The following KSR2 variants were observed in gnomAD, a reference collection of about 807,000 sequenced individuals.
KSR2 encodes kinase suppressor of ras 2.
KSR2 carries 25 observed loss-of-function variants against 107.8 expected under a neutral mutation model. That is an observed-to-expected ratio of 0.23 (90% CI 0.17 to 0.32). The LOEUF (loss-of-function observed/expected upper bound fraction) is 0.32. Ranked by LOEUF, KSR2 falls within the 10% of genes least tolerant of loss-of-function variation. The pLI, the probability that KSR2 is intolerant of heterozygous loss-of-function variation, is 1.00. For synonymous variants in KSR2, 480 were observed against 507.0 expected (o/e 0.95, Z 0.71); for missense variants, 887 against 1,268.9 (o/e 0.70, Z 4.57).
chr12:117,646,869 A>G (rs1568161), intron 5 of KSR2, among the ~76,000 whole-genome samples: 138,828 of 152,168 alleles, frequency 0.91, 63,562 homozygotes, highest in East Asian at 0.99. Context: ...CTCTGTCAGC[A>G]GCAAGGGTTT....
intron 5 of KSR2, among the ~76,000 whole-genome samples, chr12:117,591,005 T>G (rs6490131): frequency 0.92 from 139,298 of 152,172 alleles, 63,977 homozygotes; most frequent in East Asian, 0.99. Context: ...ATAACCACTT[T>G]GTGTCACCCC....
chr12:117,540,770 C>T (rs1303859563), intron 9 of KSR2, among the ~76,000 whole-genome samples: 1 of 152,192 alleles, frequency 6.6e-6, no homozygotes, highest in Non-Finnish European at 1.5e-5. Flanking sequence ...AGGCATGGAA[C>T]AGATTGTCCT....
At chr12:117,824,793 C>T (rs1034716324) in intron 3 of KSR2, among the ~76,000 whole-genome samples, 2 of 147,924 alleles carry the variant, frequency 1.4e-5, no homozygotes, top group Admixed American at 6.8e-5. Context: ...GGAGGCGGCG[C>T]TTGCAGTGAG....
intron 3 of KSR2, among the ~76,000 whole-genome samples, chr12:117,833,440 G>GCAGCCT (rs370528605): frequency 1.2e-3 from 180 of 152,280 alleles, no homozygotes; most frequent in African/African-American, 3.3e-3. Context: ...ATAGCTCACT[G>GCAGCCT]CAGCCTCAAA....
chr12:117,797,517 G>A (rs976186535), intron 3 of KSR2, among the ~76,000 whole-genome samples: 5 of 126,878 alleles, frequency 3.9e-5, no homozygotes, highest in African/African-American at 6.2e-5. Context: ...AATGGCTACG[G>A]GGTTTCTATT....
intron 3 of KSR2, among the ~76,000 whole-genome samples, chr12:117,812,488 C>T (rs1214610335): frequency 6.6e-6 from 1 of 152,058 alleles, no homozygotes; most frequent in Non-Finnish European, 1.5e-5. Flanking sequence ...GAGCCAAGTC[C>T]AATTCATTCC....
chr12:117,473,718 C>T (rs914247057), intron 17 of KSR2, among the ~76,000 whole-genome samples: 14 of 152,148 alleles, frequency 9.2e-5, no homozygotes, highest in African/African-American at 3.4e-4. Flanking sequence ...GATTTATTAT[C>T]CTTGATTTAC....
chr12:117,543,715 T>C (rs776189227), intron 9 of KSR2, among the ~76,000 whole-genome samples: 3 of 152,174 alleles, frequency 2.0e-5, no homozygotes, highest in African/African-American at 2.4e-5. Flanking sequence ...TGTAACAAAG[T>C]ACCATAAACT....
intron 4 of KSR2, among the ~76,000 whole-genome samples, chr12:117,713,427 A>C (rs1433369252): frequency 6.6e-6 from 1 of 152,204 alleles, no homozygotes; most frequent in African/African-American, 2.4e-5. Flanking sequence ...TGATACAGAT[A>C]TAGATTTTGG....
chr12:117,885,559 A>G lies in KSR2; in HGVS notation c.181-25128T>C, dbSNP rs950171595. 2.6e-5 allele frequency among the ~76,000 whole-genome samples: 4 copies of G among 152,020 alleles called. 1 individual carries two copies. In the East Asian group the frequency reaches 5.8e-4, roughly 22 times the overall value. ...TATGCATATATTTATAGGTGTGTAT[A>G]AACACATATGTAATATATACATATA... On this transcript the variant is annotated intron_variant, in intron 1 of 19. Coordinates refer to ENST00000339824, the MANE Select transcript of KSR2 (RefSeq NM_173598.6).
intron 4 of KSR2, among the ~76,000 whole-genome samples, chr12:117,744,922 A>G (rs927402312): frequency 6.6e-6 from 1 of 152,192 alleles, no homozygotes; most frequent in African/African-American, 2.4e-5. Context: ...ACAACTAGGA[A>G]TAATATTTTT....
chr12:117,761,649 C>T (rs1397830558), intron 3 of KSR2, 125 bp from the exon 4 acceptor site: 1 of 858,352 alleles, frequency 1.2e-6, no homozygotes, highest in Admixed American at 2.2e-5. Context: ...GTGCATGTTA[C>T]ACTATATACC....
In KSR2 at chr12:117,462,898, A is replaced by G. The variant is rs1469949887; in HGVS notation, c.*4301T>C. 6.6e-6 allele frequency: 1 copy of G among 152,196 alleles called. No homozygotes were observed. Among genetic ancestry groups the G allele is most frequent in the Non-Finnish European group, 1.5e-5 (1 of 68,038 alleles). The allele number at this position is 152,196 out of a possible 1,614,324, so 9.4% of individuals were successfully genotyped here. On this transcript the variant is annotated 3_prime_UTR_variant, in exon 20 of 20. Transcript: ENST00000339824. The stretch of plus-strand genomic sequence containing the variant: ...AGATTGTTGTCTTTATCAGAAGAGG[A>G]GGAGATACTGGGGATGTGCAGTCAC...
At chr12:117,556,050 T>C (rs967730453) in intron 8 of KSR2, among the ~76,000 whole-genome samples, 1 of 152,154 alleles carries the variant, frequency 6.6e-6, no homozygotes, top group African/African-American at 2.4e-5. Context: ...AGGGATTTCA[T>C]TTCTCTGCTT....
chr12:117,963,350 C>T (rs7297815), intron 1 of KSR2, among the ~76,000 whole-genome samples: 17,431 of 152,154 alleles, frequency 0.11, 1,315 homozygotes, highest in African/African-American at 0.21. Context: ...CCAGCCCCTG[C>T]CGTAGGCTGC....
intron 4 of KSR2, among the ~76,000 whole-genome samples, chr12:117,748,754 TATG>T (rs958534345): frequency 2.0e-5 from 3 of 152,166 alleles, no homozygotes; most frequent in African/African-American, 7.2e-5. Context: ...CAATTATACT[TATG>T]ATGACCTTTA....
At chr12:117,602,279 A>AT (rs1282124253) in intron 5 of KSR2, among the ~76,000 whole-genome samples, 3 of 152,196 alleles carry the variant, frequency 2.0e-5, no homozygotes, top group Admixed American at 2.0e-4. Flanking sequence ...GTGTGATTCC[A>AT]TTGCCTTTAA....
intron 3 of KSR2, among the ~76,000 whole-genome samples, chr12:117,793,006 C>T (rs1017002831): frequency 6.8e-6 from 1 of 146,644 alleles, no homozygotes; most frequent in Non-Finnish European, 1.5e-5. Context: ...CGCACACACA[C>T]CAACAGTACG....
chr12:117,524,286 T>A (rs146162912), intron 14 of KSR2, among the ~76,000 whole-genome samples: 201 of 152,316 alleles, frequency 1.3e-3, no homozygotes, highest in African/African-American at 4.6e-3. Flanking sequence ...ACACAAATAC[T>A]TGGAATAGAG....
Sources: gnomAD v4.1 joint callset for allele counts (sites outside exome capture counted in the v4.1 genomes callset) on GRCh38, gnomAD v4.1.1 for gene constraint, MANE v1.5 for transcripts, NCBI Gene and HGNC (gene_info 2026-07-23, HGNC 2026-07-21) for gene names.